The following ZDHHC17 variants were observed in gnomAD, a reference collection of about 807,000 sequenced individuals.
ZDHHC17 encodes the protein palmitoyltransferase ZDHHC17.
In ZDHHC17, 40 loss-of-function variants were observed where a neutral mutation model predicts 90.3. That is an observed-to-expected ratio of 0.44 (90% CI 0.34 to 0.58). The LOEUF (loss-of-function observed/expected upper bound fraction) is 0.58. Ranked by LOEUF, ZDHHC17 falls within the 20% of genes least tolerant of loss-of-function variation. ZDHHC17 has a pLI of 0.01. For synonymous variants in ZDHHC17, 235 were observed against 252.4 expected (o/e 0.93, Z 0.65); for missense variants, 614 against 780.8 (o/e 0.79, Z 2.55).
chr12:76,786,099 C>A (rs954501793), intron 1 of ZDHHC17, among the ~76,000 whole-genome samples: 2 of 147,154 alleles, frequency 1.4e-5, no homozygotes, highest in Non-Finnish European at 3.0e-5. Context: ...AATTAGTTTT[C>A]TTTTTCTTTC....
intron 10 of ZDHHC17, among the ~76,000 whole-genome samples, chr12:76,834,027 A>G (rs1200237181): frequency 6.6e-6 from 1 of 152,142 alleles, no homozygotes; most frequent in Non-Finnish European, 1.5e-5. Flanking sequence ...TGCCTTAATG[A>G]TATGGGCTCA....
intron 10 of ZDHHC17, among the ~76,000 whole-genome samples, chr12:76,834,015 C>A (rs1025924571): frequency 1.3e-5 from 2 of 152,066 alleles, no homozygotes; most frequent in African/African-American, 4.8e-5. Context: ...AAAATACTTT[C>A]CTGCCTTAAT....
At chr12:76,820,837 G>A (rs1021058454) in intron 7 of ZDHHC17, among the ~76,000 whole-genome samples, 3 of 152,098 alleles carry the variant, frequency 2.0e-5, no homozygotes, top group Non-Finnish European at 4.4e-5. Flanking sequence ...ACTCCATGTA[G>A]ATTCTTGCTG....
chr12:76,795,485 A>T (rs1952808865), intron 1 of ZDHHC17, among the ~76,000 whole-genome samples: 1 of 152,062 alleles, frequency 6.6e-6, no homozygotes, highest in Admixed American at 6.6e-5. Context: ...ATTCTTTTTC[A>T]GGTATCTTAC....
intron 1 of ZDHHC17, among the ~76,000 whole-genome samples, chr12:76,778,487 T>C (rs1366454779): frequency 6.6e-6 from 1 of 152,104 alleles, no homozygotes; most frequent in African/African-American, 2.4e-5. Context: ...CCTCCCAGAG[T>C]GCTGGGATTA....
Position 76,841,958 on chromosome 12 carries a change from T to C in ZDHHC17, c.1142-24T>C, listed in dbSNP as rs1365903443. ...ATAGTAATTCATTTATCATTGCTTC[T>C]TTAGATTCCTTAACCTTAGGCACAT... On this transcript the variant is annotated intron_variant, in intron 10 of 16. Coordinates refer to ENST00000426126, the MANE Select transcript of ZDHHC17 (RefSeq NM_015336.4). The C allele has an allele frequency of 2.1e-6, 3 of 1,442,884 alleles. No individual in the cohort carries two copies. In the African/African-American group the frequency reaches 4.4e-5, roughly 21 times the overall value. The allele number at this position is 1,442,884 out of a possible 1,614,324, so 89.4% of individuals were successfully genotyped here.
chr12:76,804,421 AAAAG>A (rs1311325233), intron 2 of ZDHHC17, among the ~76,000 whole-genome samples: 1 of 152,356 alleles, frequency 6.6e-6, no homozygotes, highest in East Asian at 1.9e-4. Flanking sequence ...AAATGAAACT[AAAAG>A]AAGTAAATAG....
chr12:76,827,612 G>A (rs1267003190), intron 9 of ZDHHC17, among the ~76,000 whole-genome samples: 8 of 152,044 alleles, frequency 5.3e-5, no homozygotes, highest in Non-Finnish European at 1.2e-4. Flanking sequence ...CTAGACAGGT[G>A]TGTGATCCAG....
At chr12:76,826,835 A>G (rs564978942) in intron 8 of ZDHHC17, 73 bp from the exon 9 acceptor site, 2 of 1,427,414 alleles carry the variant, frequency 1.4e-6, no homozygotes, top group South Asian at 1.6e-5. Context: ...ATGCCTTCAC[A>G]AAGGTAACAA....
chr12:76,783,723 A>C (rs889711010), intron 1 of ZDHHC17, among the ~76,000 whole-genome samples: 1 of 152,280 alleles, frequency 6.6e-6, no homozygotes, highest in African/African-American at 2.4e-5. Context: ...ATGTTACCTT[A>C]TCAGGAAAAA....
At chr12:76,839,526 C>G (rs1425551205) in intron 10 of ZDHHC17, among the ~76,000 whole-genome samples, 1 of 151,616 alleles carries the variant, frequency 6.6e-6, no homozygotes, top group African/African-American at 2.4e-5. Context: ...TGAAAGAAAG[C>G]CTAGATAAAT....
chr12:76,790,842 A>G (rs1463158556), intron 1 of ZDHHC17, among the ~76,000 whole-genome samples: 5 of 152,196 alleles, frequency 3.3e-5, no homozygotes, highest in Non-Finnish European at 7.4e-5. Flanking sequence ...GAGATAGTTA[A>G]AGGTTGGTTA....
At chr12:76,805,276 T>G in intron 2 of ZDHHC17, 41 bp from the exon 3 acceptor site, 12 of 1,496,674 alleles carry the variant, frequency 8.0e-6, no homozygotes, top group Non-Finnish European at 1.1e-5. Context: ...TTTACATTTC[T>G]TGTTAAATAA....
At chr12:76,793,192 A>AGTTAGATACTGG (rs1433245114) in intron 1 of ZDHHC17, among the ~76,000 whole-genome samples, 1 of 152,220 alleles carries the variant, frequency 6.6e-6, no homozygotes, top group Admixed American at 6.5e-5. Context: ...TTTAATACCC[A>AGTTAGATACTGG]GTATCTAAAA....
chr12:76,839,942 G>A (rs549938288), intron 10 of ZDHHC17: 1 of 152,234 alleles, frequency 6.6e-6, no homozygotes, highest in African/African-American at 2.4e-5. Flanking sequence ...AAATTGTGTT[G>A]AGCACTTTGG....
Position 76,827,050 on chromosome 12 carries a change from A to C in ZDHHC17, c.1040A>C (p.Lys347Thr). 6.4e-7 allele frequency: 1 copy of C among 1,552,044 alleles called. No homozygotes were observed. The highest frequency in any genetic ancestry group is 8.6e-7 in the Non-Finnish European group (1 of 1,160,094). ...GVWATVQFLS[K>T]SFFDHSMHSA... ...TGGGCTACAGTACAGTTTCTTTCAA[A>C]GTAAGTGTGTTGTTTTTAACTATAT... is the stretch of plus-strand genomic sequence containing the variant. The change falls in exon 9 of 17, where the codon AAA becomes ACA. Residue 347 changes from lysine to threonine, a missense_variant and splice_region_variant. Lys to Thr is a moderately conservative substitution (Grantham distance 78). Around this residue, in one of 5 missense-constraint regions of ZDHHC17, gnomAD observed 117 missense variants for 183.6 expected, o/e 0.64. Transcript: ENST00000426126.
At position 76,788,698 on chromosome 12, in the gene ZDHHC17, T is replaced by A. The variant is rs1395587923; in HGVS notation, c.94-8736T>A. On this transcript the variant is annotated intron_variant, in intron 1 of 16. Transcript: ENST00000426126. ...TAAGTTGGAATCGCAATTTTTTTTT[T>A]TTTTTTTTTTTTTTTTGAGCAGAGT... Among the ~76,000 whole-genome samples the A allele has an allele frequency of 3.1e-4, 41 of 130,582 alleles. 4 individuals carry two copies. In the East Asian group the frequency reaches 4.0e-3, roughly 13 times the overall value. 85.7% of individuals were successfully genotyped at this position (130,582 alleles called of 152,430 possible).
intron 2 of ZDHHC17, among the ~76,000 whole-genome samples, chr12:76,801,389 C>T (rs1252703756): frequency 6.6e-6 from 1 of 151,654 alleles, no homozygotes; most frequent in East Asian, 2.0e-4. Context: ...CACGGTGGCT[C>T]ATGCCTGTAA....
intron 9 of ZDHHC17, 27 bp from the exon 10 acceptor site, chr12:76,828,363 A>G (rs746091039): frequency 1.3e-6 from 2 of 1,541,904 alleles, no homozygotes; most frequent in South Asian, 1.2e-5. Flanking sequence ...TATAGAGCTC[A>G]TATTTTATAA....
Sources: gnomAD v4.1 joint callset for allele counts (sites outside exome capture counted in the v4.1 genomes callset) on GRCh38, gnomAD v4.1.1 for gene constraint, gnomAD v4.1.1 regional missense constraint, MANE v1.5 for transcripts, NCBI Gene and HGNC (gene_info 2026-07-23, HGNC 2026-07-21) for gene names.